The following GSK3B variants were observed in gnomAD, a reference collection of about 807,000 sequenced individuals.
The protein encoded by GSK3B is glycogen synthase kinase-3 beta.
GSK3B carries 15 observed loss-of-function variants against 56.4 expected under a neutral mutation model. The ratio of observed to expected loss-of-function variants is 0.27; its 90% CI spans 0.18 to 0.41. GSK3B has a LOEUF of 0.41. Among genes scored for constraint, GSK3B ranks in the 10% least tolerant of loss-of-function variants. The pLI, the probability that GSK3B is intolerant of heterozygous loss-of-function variation, is 1.00. For synonymous variants in GSK3B, 181 were observed against 188.9 expected (o/e 0.96, Z 0.34); for missense variants, 300 against 513.4 (o/e 0.58, Z 4.02).
At chr3:120,024,020 C>T (rs75008340) in intron 1 of GSK3B, among the ~76,000 whole-genome samples, 4,271 of 152,252 alleles carry the variant, frequency 0.028, 98 homozygotes, top group South Asian at 0.062. Flanking sequence ...TAAATGGACT[C>T]CAAAAATTAA....
rs941898738 is a variant in GSK3B, at chr3:119,826,684, G to A, written c.*104C>T. On this transcript the variant is annotated 3_prime_UTR_variant, in exon 11 of 11. Transcript: ENST00000264235. The stretch of plus-strand genomic sequence containing the variant: ...AAAAATTGAACACTAAAATGAACAG[G>A]ATTTTTTTCTCTTTTTAATATTCTT... The A allele has an allele frequency of 2.5e-6, 2 of 784,360 alleles. No homozygotes were observed. The highest frequency in any genetic ancestry group is 4.6e-6 in the Non-Finnish European group (2 of 434,604). 48.6% of individuals were successfully genotyped at this position (784,360 alleles called of 1,614,324 possible). A position where few individuals can be genotyped will look rare whatever the true frequency, so the allele number is the denominator to read the frequency against.
chr3:119,982,369 G>A (rs1032017881), intron 2 of GSK3B, among the ~76,000 whole-genome samples: 3 of 152,172 alleles, frequency 2.0e-5, no homozygotes, highest in Non-Finnish European at 2.9e-5. Context: ...TGACTTTGAC[G>A]AGTTGACAGA....
rs1012286147 is a variant in GSK3B, at chr3:119,823,633, C to G, written c.*3155G>C. 1.1e-5 allele frequency: 2 copies of G among 183,230 alleles called. No individual in the cohort carries two copies. Among genetic ancestry groups the G allele is most frequent in the South Asian group, 2.0e-4 (1 of 5,082 alleles). The allele number at this position is 183,230 out of a possible 1,614,324, so 11.4% of individuals were successfully genotyped here. A position where few individuals can be genotyped will look rare whatever the true frequency, so the allele number is the denominator to read the frequency against. On this transcript the variant is annotated 3_prime_UTR_variant, in exon 11 of 11. Coordinates refer to ENST00000264235, the MANE Select transcript of GSK3B (RefSeq NM_001146156.2). ...TATTCGATATCCTCCAGCTCTAGGG[C>G]TCCCTGGTGCTACACTAAGTCCCTG...
At chr3:120,061,821 G>T (rs2058239149) in intron 1 of GSK3B, among the ~76,000 whole-genome samples, 1 of 152,108 alleles carries the variant, frequency 6.6e-6, no homozygotes, top group African/African-American at 2.4e-5. Context: ...CAACCTCGGG[G>T]TCCTGAGTTC....
intron 7 of GSK3B, among the ~76,000 whole-genome samples, chr3:119,884,818 A>C (rs1432250675): frequency 1.3e-5 from 2 of 152,088 alleles, no homozygotes; most frequent in Admixed American, 6.6e-5. Flanking sequence ...CTTAAAAAAA[A>C]CCCTGATTTA....
intron 3 of GSK3B, among the ~76,000 whole-genome samples, chr3:119,925,587 C>T (rs557505448): frequency 1.1e-4 from 16 of 152,176 alleles, no homozygotes; most frequent in African/African-American, 3.1e-4. Context: ...AAAGCAAAAA[C>T]AAAAATGGTC....
intron 9 of GSK3B, among the ~76,000 whole-genome samples, chr3:119,849,919 G>A (rs952294035): frequency 2.6e-5 from 4 of 151,992 alleles, no homozygotes; most frequent in African/African-American, 7.3e-5. Context: ...GGGTTCACGC[G>A]ATTCTCGTGC....
chr3:120,069,962 C>T lies in GSK3B; in HGVS notation c.88+23385G>A, dbSNP rs537658017. On this transcript the variant is annotated intron_variant, in intron 1 of 10. Coordinates refer to ENST00000264235, the MANE Select transcript of GSK3B (RefSeq NM_001146156.2). ...AGGCGCGGTGGCTCATGCCTGTAAT[C>T]CCAGTACTTTGTGAGGCTGAGGTGG... Among the ~76,000 whole-genome samples the T allele has an allele frequency of 3.3e-5, 5 of 152,214 alleles. No homozygotes were observed. The East Asian group carries it at 9.7e-4, about 29-fold the overall frequency.
chr3:120,015,416 C>A (rs551443678), intron 1 of GSK3B, among the ~76,000 whole-genome samples: 1 of 151,548 alleles, frequency 6.6e-6, no homozygotes, highest in African/African-American at 2.4e-5. Flanking sequence ...TCTGGGAGGC[C>A]GAGGCGGGTG....
intron 1 of GSK3B, among the ~76,000 whole-genome samples, chr3:120,042,555 G>A (rs1468279608): frequency 6.6e-6 from 1 of 152,114 alleles, no homozygotes; most frequent in Non-Finnish European, 1.5e-5. Context: ...GCCTCTAACG[G>A]GTTGTCTAAA....
At chr3:119,838,480 C>A (rs1415438978) in intron 10 of GSK3B, among the ~76,000 whole-genome samples, 1 of 152,116 alleles carries the variant, frequency 6.6e-6, no homozygotes, top group Non-Finnish European at 1.5e-5. Context: ...CAACAGTTTA[C>A]AGTTTTGTAT....
chr3:119,831,911 A>C (rs574707498), intron 10 of GSK3B, among the ~76,000 whole-genome samples: 1 of 152,318 alleles, frequency 6.6e-6, no homozygotes, highest in Admixed American at 6.5e-5. Flanking sequence ...GAAATAGAAC[A>C]ATCAGCTTTG....
At chr3:119,876,265 A>C (rs973684712) in intron 8 of GSK3B, 148 bp downstream of exon 8, 10 of 578,990 alleles carry the variant, frequency 1.7e-5, no homozygotes, top group Non-Finnish European at 2.8e-5. Flanking sequence ...AAAGTCAATG[A>C]AACACTCAAG....
intron 3 of GSK3B, among the ~76,000 whole-genome samples, chr3:119,933,257 G>A (rs2056964372): frequency 6.6e-6 from 1 of 152,142 alleles, no homozygotes; most frequent in African/African-American, 2.4e-5. Context: ...AATTCAGTCT[G>A]AGAAAACTAA....
At chr3:120,071,267 T>A (rs1000445921) in intron 1 of GSK3B, among the ~76,000 whole-genome samples, 2 of 152,226 alleles carry the variant, frequency 1.3e-5, no homozygotes, top group African/African-American at 4.8e-5. Context: ...TCAGTGCTCA[T>A]TTTTATCTAC....
intron 1 of GSK3B, chr3:120,028,645 C>T (rs1482337015): frequency 2.9e-6 from 1 of 339,796 alleles, no homozygotes; most frequent in East Asian, 7.5e-5. Context: ...AAATATGCTA[C>T]TTTAATAAAT....
rs1383460432 is a variant in GSK3B, at chr3:119,928,621, A to AT, written c.367-5139_367-5138insA. Among the ~76,000 whole-genome samples, 48 of 150,510 alleles carry AT rather than the reference A, an allele frequency of 3.2e-4. 1 individual carries two copies. Among genetic ancestry groups the AT allele is most frequent in the Non-Finnish European group, 5.9e-4 (40 of 67,530 alleles). ...CTCCATATCAAAAAAATAAAAAAAAAAAAAAAAAAAAAAAGAGGGAAAAGG... is the reference window on the plus strand; with the variant it reads ...CTCCATATCAAAAAAATAAAAAAAAATAAAAAAAAAAAAAAGAGGGAAAAGG... On this transcript the variant is annotated intron_variant, in intron 3 of 10. Coordinates refer to ENST00000264235, the MANE Select transcript of GSK3B (RefSeq NM_001146156.2).
chr3:119,980,088 T>C (rs376753475), intron 2 of GSK3B, among the ~76,000 whole-genome samples: 3 of 152,300 alleles, frequency 2.0e-5, no homozygotes, highest in South Asian at 4.1e-4. Context: ...CTCTAATTAA[T>C]TGGCCTAAGA....
chr3:119,855,666 C>T (rs1261869230), intron 9 of GSK3B, among the ~76,000 whole-genome samples: 7 of 152,152 alleles, frequency 4.6e-5, no homozygotes, highest in African/African-American at 1.7e-4. Flanking sequence ...AGGATGAGTT[C>T]ATGTCCTCTG....
Sources: allele counts gnomAD v4.1 joint callset (sites outside exome capture counted in the v4.1 genomes callset), GRCh38; gene constraint gnomAD v4.1.1; transcripts MANE v1.5; gene names NCBI Gene and HGNC (gene_info 2026-07-23, HGNC 2026-07-21).